Variants in UGT2B10 observed in about 807,000 individuals in gnomAD.
The protein encoded by UGT2B10 is UDP-glucuronosyltransferase 2B10.
A neutral mutation model predicts 43.7 loss-of-function variants in UGT2B10; 51 were observed. That is an observed-to-expected ratio of 1.17 (90% CI 0.93 to 1.47). The LOEUF (loss-of-function observed/expected upper bound fraction) is 1.47, where lower values mean the gene tolerates loss of function less well. Among genes scored for constraint, UGT2B10 ranks in the 40% most tolerant of loss-of-function variants. The pLI, the probability that UGT2B10 is intolerant of heterozygous loss-of-function variation, is 0.00. For missense variants in UGT2B10, 696 were observed against 617.7 expected (o/e 1.13, Z -1.34); for synonymous variants, 225 against 209.0 (o/e 1.08, Z -0.66).
At chr4:68,827,031 TCATTTCATGCC>T (rs1249116704) in intron 4 of UGT2B10, among the ~76,000 whole-genome samples, 3 of 152,064 alleles carry the variant, frequency 2.0e-5, no homozygotes, top group Admixed American at 6.6e-5. Flanking sequence ...GAATAACACT[TCATTTCATGCC>T]CATCTCTTTG....
chr4:68,826,932 G>C (rs1312380505), intron 4 of UGT2B10, among the ~76,000 whole-genome samples: 2 of 152,052 alleles, frequency 1.3e-5, no homozygotes, highest in African/African-American at 4.8e-5. Context: ...GATGAAGTGT[G>C]ACCTGTCTTT....
chr4:68,827,540 T>C lies in UGT2B10; in HGVS notation c.1299T>C (p.Asn433=), dbSNP rs780670238. ...TGAATGCACTGAAGACAGTAATTAA[T>C]GATCCTTCGTGAGTAGAACAATATT... ...DLLNALKTVI[N]DPSYKENIMK... Residue 433 remains asparagine, a synonymous_variant, in exon 5 of 6, where the codon AAT becomes AAC. Coordinates refer to ENST00000265403, the MANE Select transcript of UGT2B10 (RefSeq NM_001075.6). The C allele has an allele frequency of 4.3e-6, 7 of 1,613,136 alleles. No individual in the cohort carries two copies. In the African/African-American group the frequency reaches 9.3e-5, roughly 22 times the overall value.
Position 68,827,530 on chromosome 4 carries a change from C to A in UGT2B10, c.1289C>A (p.Thr430Lys). The change falls in exon 5 of 6, where the codon ACA becomes AAA. Residue 430 changes from threonine (T) to lysine (K), a missense_variant. Coordinates refer to ENST00000265403, the MANE Select transcript of UGT2B10 (RefSeq NM_001075.6). ...SSTDLLNALK[T>K]VINDPSYKEN... Reference sequence around the variant, plus strand: ...ACAGACCTGCTGAATGCACTGAAGACAGTAATTAATGATCCTTCGTGAGTA... The same window carrying A: ...ACAGACCTGCTGAATGCACTGAAGAAAGTAATTAATGATCCTTCGTGAGTA... 6.2e-7 allele frequency: 1 copy of A among 1,613,270 alleles called. No individual in the cohort carries two copies. The highest frequency in any genetic ancestry group is 8.5e-7 in the Non-Finnish European group (1 of 1,179,452).
chr4:68,818,236 T>G, intron 2 of UGT2B10, 59 bp downstream of exon 2: 1 of 1,589,124 alleles, frequency 6.3e-7, no homozygotes, highest in Non-Finnish European at 8.5e-7. Context: ...GAAATGACTG[T>G]ATAGTCTTCA....
intron 3 of UGT2B10, among the ~76,000 whole-genome samples, 174 bp from the exon 4 acceptor site, chr4:68,826,236 C>T (rs1737767185): frequency 6.6e-6 from 1 of 151,920 alleles, no homozygotes; most frequent in South Asian, 2.1e-4. Context: ...TCTTATATAC[C>T]TAAATCATTA....
chr4:68,817,836 T>C (rs1269740073), intron 1 of UGT2B10, among the ~76,000 whole-genome samples, 193 bp from the exon 2 acceptor site: 1 of 151,906 alleles, frequency 6.6e-6, no homozygotes, highest in East Asian at 1.9e-4. Flanking sequence ...TTTGCCTTTC[T>C]TATAAATAAA....
intron 2 of UGT2B10, among the ~76,000 whole-genome samples, chr4:68,821,718 G>T (rs1737507569): frequency 1.3e-5 from 2 of 151,936 alleles, no homozygotes; most frequent in South Asian, 2.1e-4. Context: ...TTTAAGTGAA[G>T]CAAAAAGCAT....
chr4:68,821,125 A>G (rs1295124452), intron 2 of UGT2B10, among the ~76,000 whole-genome samples: 1 of 152,162 alleles, frequency 6.6e-6, no homozygotes, highest in Non-Finnish European at 1.5e-5. Context: ...CATTTTAAAA[A>G]ACGTTCTGCC....
In UGT2B10 at chr4:68,831,239, G is replaced by C. The variant is rs1738087132; in HGVS notation, c.*360G>C. The C allele has an allele frequency of 9.7e-6, 2 of 205,606 alleles. No homozygotes were observed. The highest frequency in any genetic ancestry group is 4.7e-5 in the African/African-American group (2 of 42,528). The allele number at this position is 205,606 out of a possible 1,614,324, so 12.7% of individuals were successfully genotyped here. ...CCCCCAAGTAGCTGGGACCATAGGTGCATGTCACCATGTCCAACTAATTTT... is the reference window on the plus strand; with the variant it reads ...CCCCCAAGTAGCTGGGACCATAGGTCCATGTCACCATGTCCAACTAATTTT... On this transcript the variant is annotated 3_prime_UTR_variant, in exon 6 of 6. Coordinates refer to ENST00000265403, the MANE Select transcript of UGT2B10 (RefSeq NM_001075.6).
intron 3 of UGT2B10, among the ~76,000 whole-genome samples, chr4:68,826,013 GTTTTT>G (rs1196555109): frequency 6.6e-6 from 1 of 151,816 alleles, no homozygotes; most frequent in Admixed American, 6.6e-5. Flanking sequence ...TATTTTTTGA[GTTTTT>G]AATAATGGCC....
Position 68,830,888 on chromosome 4 carries a change from G to A in UGT2B10, c.*9G>A. On this transcript the variant is annotated 3_prime_UTR_variant, in exon 6 of 6. Coordinates refer to ENST00000265403, the MANE Select transcript of UGT2B10 (RefSeq NM_001075.6). Reference sequence around the variant, plus strand: ...AGGGAAAAAGGGATTAGTTATATCTGAGATTTGAAGCTGGAAAACCTGATA... The same window carrying A: ...AGGGAAAAAGGGATTAGTTATATCTAAGATTTGAAGCTGGAAAACCTGATA... 1.2e-6 allele frequency: 2 copies of A among 1,609,958 alleles called. No individual in the cohort carries two copies. Among genetic ancestry groups the A allele is most frequent in the African/African-American group, 1.3e-5 (1 of 74,700 alleles).
intron 5 of UGT2B10, 126 bp downstream of exon 5, chr4:68,827,674 C>T (rs954058027): frequency 2.9e-5 from 41 of 1,435,016 alleles, no homozygotes; most frequent in Middle Eastern, 2.0e-4. Flanking sequence ...TTAACCAATC[C>T]GAAATCTGCT....
In UGT2B10 at chr4:68,816,434, C is replaced by G. The variant is rs187666724; in HGVS notation, c.415C>G (p.Leu139Val). The change falls in exon 1 of 6, where the codon CTA becomes GTA. Residue 139 changes from leucine (L) to valine (V), a missense_variant. Transcript: ENST00000265403. The part of the protein sequence containing the change: ...VVSNKKLMKK[L>V]QESRFDIVFA... Reference sequence around the variant, plus strand: ...TTCAAATAAGAAACTTATGAAAAAACTACAAGAGTCAAGATTTGACATCGT... The same window carrying G: ...TTCAAATAAGAAACTTATGAAAAAAGTACAAGAGTCAAGATTTGACATCGT... 27 of 1,613,010 alleles carry G rather than the reference C, an allele frequency of 1.7e-5. No homozygotes were observed. In the African/African-American group the frequency reaches 3.1e-4, roughly 18 times the overall value.
At position 68,818,000 on chromosome 4, in the gene UGT2B10, C is replaced by T. The variant is rs749635421; in HGVS notation, c.719-29C>T. On this transcript the variant is annotated intron_variant, in intron 1 of 5. Coordinates refer to ENST00000265403, the MANE Select transcript of UGT2B10 (RefSeq NM_001075.6). ...ACATAAAGTAATTATCTTATGTCAT[C>T]CACTTCTTCTTTTCTTTATTCCTAT... The T allele has an allele frequency of 6.3e-6, 10 of 1,592,398 alleles. No homozygotes were observed. In the South Asian group the frequency reaches 1.2e-4, roughly 19 times the overall value.
rs1472572415 is a variant in UGT2B10, at chr4:68,830,792, G to C, written c.1500G>C (p.Val500=). ...LDVIGFLLAC[V]ATVLFIITKC... ...TGATTGGGTTCCTGCTGGCTTGTGT[G>C]GCAACCGTGCTATTTATCATCACAA... The change falls in exon 6 of 6, where the codon GTG becomes GTC. Residue 500 remains valine, a synonymous_variant. Transcript: ENST00000265403. 1.2e-6 allele frequency: 2 copies of C among 1,613,264 alleles called. No individual in the cohort carries two copies. Among genetic ancestry groups the C allele is most frequent in the Middle Eastern group, 3.3e-4 (2 of 6,050 alleles).
At chr4:68,822,955 A>G (rs572254495) in intron 3 of UGT2B10, among the ~76,000 whole-genome samples, 3 of 151,958 alleles carry the variant, frequency 2.0e-5, no homozygotes, top group South Asian at 2.1e-4. Flanking sequence ...TCTATTACTT[A>G]TTGTACTCTG....
At position 68,827,413 on chromosome 4, in the gene UGT2B10, G is replaced by A. The variant is rs765245497; in HGVS notation, c.1172G>A (p.Gly391Asp). 6 of 1,613,434 alleles carry A rather than the reference G, an allele frequency of 3.7e-6. No individual in the cohort carries two copies. The highest frequency in any genetic ancestry group is 2.5e-6 in the Non-Finnish European group (3 of 1,179,608). ...ATCTACCATGGGATCCCTATGGTGG[G>A]CATTCCATTGTTTTTTGATCAACCT... ...EAIYHGIPMV[G>D]IPLFFDQPDN... Residue 391 changes from glycine (G) to aspartate (D), a missense_variant, in exon 5 of 6, where the codon GGC becomes GAC. By Grantham distance (94) the Gly-to-Asp change is moderately conservative (BLOSUM62 -1). Transcript: ENST00000265403.
chr4:68,816,846 T>C, intron 1 of UGT2B10, 109 bp downstream of exon 1: 1 of 929,822 alleles, frequency 1.1e-6, no homozygotes, highest in Non-Finnish European at 1.6e-6. Context: ...GGTAAATGAA[T>C]TTATGAAATG....
At position 68,816,104 on chromosome 4, in the gene UGT2B10, G is replaced by A; in HGVS notation, c.85G>A (p.Ala29Thr). Reference sequence around the variant, plus strand: ...GAGTTGTGGAAAGGTGCTGGTATGGGCCGCAGAATACAGCCTTTGGATGAA... The same window carrying A: ...GAGTTGTGGAAAGGTGCTGGTATGGACCGCAGAATACAGCCTTTGGATGAA... The part of the protein sequence containing the change: ...SGSCGKVLVW[A>T]AEYSLWMNMK... The change falls in exon 1 of 6, where the codon GCC (alanine) becomes ACC (threonine). Residue 29 changes from alanine to threonine, a missense_variant. By Grantham distance (58) the Ala-to-Thr change is moderately conservative. Transcript: ENST00000265403. 1 of 1,613,256 alleles carries A rather than the reference G, an allele frequency of 6.2e-7. No individual in the cohort carries two copies. Among genetic ancestry groups the A allele is most frequent in the Non-Finnish European group, 8.5e-7 (1 of 1,179,432 alleles).
Sources: allele counts gnomAD v4.1 joint callset (sites outside exome capture counted in the v4.1 genomes callset), GRCh38; gene constraint gnomAD v4.1.1; transcripts MANE v1.5; gene names NCBI Gene and HGNC (gene_info 2026-07-23, HGNC 2026-07-21).